The following ZFAND3 variants were observed in gnomAD, a reference collection of about 807,000 sequenced individuals.
The protein encoded by ZFAND3 is zinc finger AN1-type containing 3.
A neutral mutation model predicts 29.6 loss-of-function variants in ZFAND3; 10 were observed. The ratio of observed to expected loss-of-function variants is 0.34; its 90% CI spans 0.21 to 0.57. The LOEUF (loss-of-function observed/expected upper bound fraction) is 0.57, where lower values mean the gene tolerates loss of function less well. Among genes scored for constraint, ZFAND3 ranks in the 20% least tolerant of loss-of-function variants. The probability of loss-of-function intolerance (pLI) is 0.86; values close to 1 mark genes in which losing one functional copy is unlikely to be tolerated. For synonymous variants in ZFAND3, 128 were observed against 112.6 expected (o/e 1.14, Z -0.87); for missense variants, 230 against 304.5 (o/e 0.76, Z 1.82).
chr6:38,154,490 T>C lies in ZFAND3; in HGVS notation c.*2101T>C, dbSNP rs1041206161. The C allele has an allele frequency of 9.2e-6, 9 of 983,596 alleles. No homozygotes were observed. The African/African-American group carries it at 1.6e-4, about 17-fold the overall frequency. 60.9% of individuals were successfully genotyped at this position (983,596 alleles called of 1,614,324 possible). A position where few individuals can be genotyped will look rare whatever the true frequency, so the allele number is the denominator to read the frequency against. On this transcript the variant is annotated 3_prime_UTR_variant, in exon 6 of 6. Coordinates refer to ENST00000287218, the MANE Select transcript of ZFAND3 (RefSeq NM_021943.3). ...AAAGAGAAAATCTTATTTAACCCTTTTGTGTTCTAGATTTACTTACACACA... is the reference window on the plus strand; with the variant it reads ...AAAGAGAAAATCTTATTTAACCCTTCTGTGTTCTAGATTTACTTACACACA...
At chr6:38,062,229 A>C (rs1453294105) in intron 3 of ZFAND3, among the ~76,000 whole-genome samples, 6 of 152,134 alleles carry the variant, frequency 3.9e-5, no homozygotes, top group African/African-American at 1.4e-4. Flanking sequence ...TACCTCTGTC[A>C]CTAACTGGGC....
intron 1 of ZFAND3, among the ~76,000 whole-genome samples, chr6:37,823,661 G>T (rs1763706932): frequency 6.6e-6 from 1 of 152,208 alleles, no homozygotes; most frequent in Non-Finnish European, 1.5e-5. Flanking sequence ...GGTATAAATT[G>T]TGTACAGGTA....
chr6:38,123,033 C>T (rs998295771), intron 5 of ZFAND3, among the ~76,000 whole-genome samples: 5 of 152,094 alleles, frequency 3.3e-5, no homozygotes, highest in African/African-American at 9.7e-5. Context: ...TTTGGATGTT[C>T]GTTTATAGTG....
chr6:38,096,191 G>A (rs1267952082), intron 4 of ZFAND3, among the ~76,000 whole-genome samples: 2 of 149,284 alleles, frequency 1.3e-5, no homozygotes, highest in African/African-American at 5.0e-5. Context: ...CCAACCCCCC[G>A]AGACAGAGTC....
chr6:38,092,299 G>A (rs1029447319), intron 4 of ZFAND3, among the ~76,000 whole-genome samples: 3 of 152,192 alleles, frequency 2.0e-5, no homozygotes, highest in African/African-American at 7.2e-5. Flanking sequence ...ACAGAGTCCT[G>A]TAGTAGATTC....
At chr6:37,970,075 C>T (rs552264080) in intron 2 of ZFAND3, among the ~76,000 whole-genome samples, 1 of 151,862 alleles carries the variant, frequency 6.6e-6, no homozygotes, top group African/African-American at 2.4e-5. Flanking sequence ...TTGTAGTGAG[C>T]TGAAATGGCA....
intron 2 of ZFAND3, among the ~76,000 whole-genome samples, chr6:38,056,450 T>TG (rs1330956892): frequency 6.6e-6 from 1 of 152,166 alleles, no homozygotes; most frequent in Non-Finnish European, 1.5e-5. Flanking sequence ...GAAGTGGGAT[T>TG]GGGGGTCTAA....
chr6:38,082,251 C>T (rs935631325), intron 3 of ZFAND3, 141 bp from the exon 4 acceptor site: 1 of 679,712 alleles, frequency 1.5e-6, no homozygotes, highest in Non-Finnish European at 2.4e-6. Flanking sequence ...AACCCACCAC[C>T]ACCGTCTTTC....
In ZFAND3 at chr6:37,966,931, T is replaced by A. The variant is rs551638730; in HGVS notation, c.112+36932T>A. On this transcript the variant is annotated intron_variant, in intron 2 of 5. Transcript: ENST00000287218. ...TAAGTTGTATTTTCCTTGATTTGAT[T>A]TTATCTGTTATTTCCTCATGTGATG... is the stretch of plus-strand genomic sequence containing the variant. Among the ~76,000 whole-genome samples the A allele has an allele frequency of 9.2e-5, 14 of 152,326 alleles. 1 individual carries two copies. The South Asian group carries it at 2.9e-3, about 32-fold the overall frequency.
intron 2 of ZFAND3, among the ~76,000 whole-genome samples, chr6:37,956,727 A>G (rs1233302158): frequency 2.6e-5 from 4 of 152,196 alleles, no homozygotes; most frequent in Admixed American, 2.0e-4. Context: ...ATAGTTTTGC[A>G]TATATTTCTA....
chr6:37,883,259 C>A (rs761652497), intron 1 of ZFAND3, among the ~76,000 whole-genome samples: 4 of 152,050 alleles, frequency 2.6e-5, no homozygotes. Context: ...ATCTTACAGT[C>A]CTAGTTAATA....
At chr6:37,863,841 G>A (rs958211749) in intron 1 of ZFAND3, among the ~76,000 whole-genome samples, 4 of 152,116 alleles carry the variant, frequency 2.6e-5, no homozygotes, top group African/African-American at 7.2e-5. Context: ...GATGGCATAC[G>A]CTAAGCTCCA....
intron 1 of ZFAND3, among the ~76,000 whole-genome samples, chr6:37,897,237 C>CT (rs1561926292): frequency 6.6e-6 from 1 of 152,198 alleles, no homozygotes; most frequent in African/African-American, 2.4e-5. Flanking sequence ...ATTTTGATCT[C>CT]TATCACTGTA....
At chr6:38,101,018 C>G (rs575713546) in intron 4 of ZFAND3, among the ~76,000 whole-genome samples, 18 of 152,110 alleles carry the variant, frequency 1.2e-4, no homozygotes, top group Non-Finnish European at 1.9e-4. Context: ...GTCAAAATTG[C>G]GAACTTAACA....
intron 2 of ZFAND3, among the ~76,000 whole-genome samples, chr6:37,985,928 C>T (rs1422393005): frequency 6.6e-6 from 1 of 152,156 alleles, no homozygotes; most frequent in African/African-American, 2.4e-5. Flanking sequence ...TCTATCCATC[C>T]ATCTAACAAG....
intron 1 of ZFAND3, among the ~76,000 whole-genome samples, chr6:37,895,371 G>A (rs1045405310): frequency 1.3e-5 from 2 of 148,482 alleles, no homozygotes; most frequent in Admixed American, 1.3e-4. Context: ...TTTCGCTCTT[G>A]TTGCCCAGGC....
In ZFAND3 at chr6:37,939,490, C is replaced by G. The variant is rs542492653; in HGVS notation, c.112+9491C>G. ...AATTACATCTGCAGAAGCTTTTTTT[C>G]CCAAAATTATCACATTCACAGATTC... is the stretch of plus-strand genomic sequence containing the variant. On this transcript the variant is annotated intron_variant, in intron 2 of 5. Transcript: ENST00000287218. Among the ~76,000 whole-genome samples the G allele has an allele frequency of 5.3e-5, 8 of 152,132 alleles. No homozygotes were observed. The East Asian group carries it at 1.5e-3, about 29-fold the overall frequency.
intron 2 of ZFAND3, among the ~76,000 whole-genome samples, chr6:38,030,169 C>T (rs1235137139): frequency 5.4e-5 from 7 of 128,540 alleles, no homozygotes; most frequent in Non-Finnish European, 6.6e-5. Context: ...CTTTCCTTTC[C>T]TTCCTTTTTT....
At chr6:37,900,010 T>C (rs1431285062) in intron 1 of ZFAND3, among the ~76,000 whole-genome samples, 1 of 152,198 alleles carries the variant, frequency 6.6e-6, no homozygotes, top group Non-Finnish European at 1.5e-5. Flanking sequence ...TACGTCATTC[T>C]TTTGGGTAAG....
Sources: gnomAD v4.1 joint callset for allele counts (sites outside exome capture counted in the v4.1 genomes callset) on GRCh38, gnomAD v4.1.1 for gene constraint, MANE v1.5 for transcripts, NCBI Gene and HGNC (gene_info 2026-07-23, HGNC 2026-07-21) for gene names.